Variants in CNTN5 observed in about 807,000 individuals in gnomAD.
CNTN5 encodes the protein contactin-5.
Under a neutral mutation model 129.1 loss-of-function variants are expected in CNTN5, and 77 were observed. The ratio of observed to expected loss-of-function variants is 0.60; its 90% CI spans 0.50 to 0.72. The LOEUF (loss-of-function observed/expected upper bound fraction) is 0.72, where lower values mean the gene tolerates loss of function less well. CNTN5 is among the 30% of genes least tolerant of loss of function. The pLI, the probability that CNTN5 is intolerant of heterozygous loss-of-function variation, is 0.00. For synonymous variants in CNTN5, 509 were observed against 465.6 expected (o/e 1.09, Z -1.20); for missense variants, 1,478 against 1,328.8 (o/e 1.11, Z -1.75).
chr11:99,208,197 A>T (rs1281561791), intron 1 of CNTN5, among the ~76,000 whole-genome samples: 1 of 152,196 alleles, frequency 6.6e-6, no homozygotes, highest in African/African-American at 2.4e-5. Context: ...AGTTAACTGC[A>T]TGCAATTCAA....
chr11:99,367,620 G>T (rs1939534054), intron 2 of CNTN5, among the ~76,000 whole-genome samples: 1 of 152,100 alleles, frequency 6.6e-6, no homozygotes, highest in South Asian at 2.1e-4. Context: ...AGTAACATTG[G>T]CATGGAAAAT....
chr11:99,048,244 G>T (rs770892074), intron 1 of CNTN5, among the ~76,000 whole-genome samples: 2 of 152,024 alleles, frequency 1.3e-5, no homozygotes, highest in African/African-American at 2.4e-5. Context: ...CTAACTCAAT[G>T]GAGTAACTTT....
At chr11:99,652,092 ATGT>A (rs942053445) in intron 3 of CNTN5, among the ~76,000 whole-genome samples, 66 of 152,104 alleles carry the variant, frequency 4.3e-4, no homozygotes, top group African/African-American at 1.5e-3. Flanking sequence ...TAAAATCAAG[ATGT>A]TGTCTGGGGC....
At chr11:99,894,372 A>G (rs535806831) in intron 6 of CNTN5, among the ~76,000 whole-genome samples, 4 of 152,028 alleles carry the variant, frequency 2.6e-5, no homozygotes, top group Admixed American at 6.6e-5. Flanking sequence ...ATAGTTCTGG[A>G]TAACCAAAAC....
At chr11:99,703,356 A>G (rs1032805947) in intron 3 of CNTN5, among the ~76,000 whole-genome samples, 1 of 150,242 alleles carries the variant, frequency 6.7e-6, no homozygotes, top group Admixed American at 6.7e-5. Flanking sequence ...CACTTCTTAC[A>G]TGGACTGAAG....
chr11:99,159,802 G>C (rs1565365441), intron 1 of CNTN5, among the ~76,000 whole-genome samples: 1 of 152,028 alleles, frequency 6.6e-6, no homozygotes, highest in Admixed American at 6.5e-5. Flanking sequence ...GAAAATATAG[G>C]AGAAGTACGT....
chr11:99,421,136 G>T (rs1169302727), intron 2 of CNTN5, among the ~76,000 whole-genome samples: 7 of 141,598 alleles, frequency 4.9e-5, no homozygotes, highest in Non-Finnish European at 7.7e-5. Flanking sequence ...ATTCATTGAG[G>T]TTTTTTTTTT....
At chr11:99,870,167 A>T (rs2135807587) in intron 6 of CNTN5, among the ~76,000 whole-genome samples, 1 of 152,298 alleles carries the variant, frequency 6.6e-6, no homozygotes, top group Middle Eastern at 3.4e-3. Context: ...AACAAATTTG[A>T]TTGCACAAAT....
intron 13 of CNTN5, among the ~76,000 whole-genome samples, chr11:100,180,425 AAAC>A (rs777759979): frequency 3.3e-5 from 5 of 151,986 alleles, no homozygotes; most frequent in Admixed American, 1.3e-4. Context: ...AAACAAAGAC[AAAC>A]AACAACAACA....
chr11:99,371,434 T>G (rs1004107688), intron 2 of CNTN5, among the ~76,000 whole-genome samples: 1 of 152,154 alleles, frequency 6.6e-6, no homozygotes, highest in Non-Finnish European at 1.5e-5. Context: ...AAGTGTACTT[T>G]GAGTAATGAC....
At chr11:99,894,192 A>T (rs547085203) in intron 6 of CNTN5, among the ~76,000 whole-genome samples, 24 of 152,174 alleles carry the variant, frequency 1.6e-4, no homozygotes, top group Non-Finnish European at 2.9e-4. Flanking sequence ...ATGGTGGCAT[A>T]GTTCACATTT....
intron 3 of CNTN5, among the ~76,000 whole-genome samples, chr11:99,798,763 A>G (rs1036839834): frequency 3.9e-5 from 6 of 152,150 alleles, no homozygotes; most frequent in South Asian, 2.1e-4. Context: ...CTTTGGTTCT[A>G]TATGAATTTT....
At chr11:99,550,829 TTG>T (rs1948457015) in intron 2 of CNTN5, among the ~76,000 whole-genome samples, 1 of 152,146 alleles carries the variant, frequency 6.6e-6, no homozygotes, top group African/African-American at 2.4e-5. Flanking sequence ...CAAGATTCAG[TTG>T]TGTTTGTTAC....
At chr11:99,799,746 T>A (rs1193530848) in intron 3 of CNTN5, among the ~76,000 whole-genome samples, 1 of 152,028 alleles carries the variant, frequency 6.6e-6, no homozygotes, top group African/African-American at 2.4e-5. Flanking sequence ...TAACTTGGGT[T>A]GATGCTGCCT....
At chr11:99,671,047 G>A (rs7123416) in intron 3 of CNTN5, among the ~76,000 whole-genome samples, 1 of 151,796 alleles carries the variant, frequency 6.6e-6, no homozygotes, top group Non-Finnish European at 1.5e-5. Context: ...TATCATTCAC[G>A]TGTGCTTGCG....
chr11:99,934,422 A>G (rs1286501696), intron 7 of CNTN5, among the ~76,000 whole-genome samples: 2 of 152,334 alleles, frequency 1.3e-5, no homozygotes, highest in South Asian at 2.1e-4. Flanking sequence ...AAAAATCTCA[A>G]TTTATATTGG....
At chr11:99,834,144 T>C (rs1210121638) in intron 4 of CNTN5, among the ~76,000 whole-genome samples, 1 of 152,128 alleles carries the variant, frequency 6.6e-6, no homozygotes, top group Non-Finnish European at 1.5e-5. Flanking sequence ...TTACACTTAG[T>C]TTTGTTCAGA....
At chr11:99,551,638 T>A (rs749392627) in intron 2 of CNTN5, among the ~76,000 whole-genome samples, 3 of 152,158 alleles carry the variant, frequency 2.0e-5, no homozygotes, top group Admixed American at 6.6e-5. Flanking sequence ...GTAGAGTTTA[T>A]TTACACAAAC....
At chr11:99,679,118 T>C (rs1363492039) in intron 3 of CNTN5, among the ~76,000 whole-genome samples, 1 of 147,724 alleles carries the variant, frequency 6.8e-6, no homozygotes, top group African/African-American at 2.5e-5. Flanking sequence ...AATATATATA[T>C]GTATATACTT....
Sources: allele counts gnomAD v4.1 joint callset (sites outside exome capture counted in the v4.1 genomes callset), GRCh38; gene constraint gnomAD v4.1.1; transcripts MANE v1.5; gene names NCBI Gene and HGNC (gene_info 2026-07-23, HGNC 2026-07-21).